Variants in DMAP1 observed in about 807,000 individuals in gnomAD.
The protein encoded by DMAP1 is DNA methyltransferase 1-associated protein 1.
In DMAP1, 26 loss-of-function variants were observed where a neutral mutation model predicts 52.7. The ratio of observed to expected loss-of-function variants is 0.49; its 90% CI spans 0.36 to 0.68. The LOEUF (loss-of-function observed/expected upper bound fraction) is 0.68. Ranked by LOEUF, DMAP1 falls within the 30% of genes least tolerant of loss-of-function variation. The probability of loss-of-function intolerance (pLI) is 0.00; values close to 1 mark genes in which losing one functional copy is unlikely to be tolerated. For missense variants in DMAP1, 439 were observed against 625.2 expected, an observed-to-expected ratio of 0.70 and a Z score of 3.18; for synonymous variants, 231 against 246.0, an observed-to-expected ratio of 0.94 and a Z score of 0.57.
At position 44,218,089 on chromosome 1, in the gene DMAP1, A is replaced by G. The variant is rs1178987750; in HGVS notation, c.394-222A>G. On this transcript the variant is annotated intron_variant, in intron 3 of 9. Coordinates refer to ENST00000372289, the MANE Select transcript of DMAP1 (RefSeq NM_019100.5). This position sits in a 1 kb window ranked among gnomAD's most constrained non-coding sequence, Gnocchi z 5.6. The stretch of plus-strand genomic sequence containing the variant: ...CCCATGACTGAGGCTCTGGAGCTGG[A>G]GACAGTGAAGTTGATCCTGGAATAA... 1.6e-6 allele frequency: 1 copy of G among 636,382 alleles called. No individual in the cohort carries two copies. The highest frequency in any genetic ancestry group is 2.8e-6 in the Non-Finnish European group (1 of 351,478). The allele number at this position is 636,382 out of a possible 1,614,324, so 39.4% of individuals were successfully genotyped here.
At chr1:44,215,466 C>T (rs897374266) in intron 3 of DMAP1, 9 of 371,730 alleles carry the variant, frequency 2.4e-5, no homozygotes, top group African/African-American at 1.7e-4. Context: ...CCTTAGTCCT[C>T]ACAGTATTTA....
chr1:44,215,862 G>C (rs369654309), intron 3 of DMAP1: 1 of 156,932 alleles, frequency 6.4e-6, no homozygotes, highest in Non-Finnish European at 1.4e-5. Flanking sequence ...AGCTAGATTG[G>C]GCTAGGTTTC....
In DMAP1 at chr1:44,213,584, T is replaced by C. The variant is rs1344735278; in HGVS notation, c.-170T>C. 2 of 572,254 alleles carry C rather than the reference T, an allele frequency of 3.5e-6. No homozygotes were observed. The highest frequency in any genetic ancestry group is 6.2e-6 in the Non-Finnish European group (2 of 322,694). 35.4% of individuals were successfully genotyped at this position (572,254 alleles called of 1,614,324 possible). A position where few individuals can be genotyped will look rare whatever the true frequency, so the allele number is the denominator to read the frequency against. Reference sequence around the variant, plus strand: ...GGGGCCGTTAGGAACATCCAAGCGGTGGGGCACAGGCAGATCCCCGACCTG... The same window carrying C: ...GGGGCCGTTAGGAACATCCAAGCGGCGGGGCACAGGCAGATCCCCGACCTG... On this transcript the variant is annotated 5_prime_UTR_variant, in exon 1 of 10. Coordinates refer to ENST00000372289, the MANE Select transcript of DMAP1 (RefSeq NM_019100.5). This position sits in a 1 kb window ranked among gnomAD's most constrained non-coding sequence, Gnocchi z 4.5.
chr1:44,219,370 G>A, intron 6 of DMAP1, 36 bp from the exon 7 acceptor site: 1 of 1,550,752 alleles, frequency 6.4e-7, no homozygotes, highest in East Asian at 2.2e-5. Context: ...CCCTCTCCCT[G>A]TGACACCTTG....
In DMAP1 at chr1:44,220,309, G is replaced by A. The variant is rs780110362; in HGVS notation, c.1344G>A (p.Ser448=). 9 of 1,541,020 alleles carry A rather than the reference G, an allele frequency of 5.8e-6. No homozygotes were observed. Among genetic ancestry groups the A allele is most frequent in the East Asian group, 4.6e-5 (2 of 43,952 alleles). The change falls in exon 9 of 10, where the codon TCG becomes TCA. Residue 448 remains serine, a splice_region_variant and synonymous_variant. Transcript: ENST00000372289. The part of the protein sequence containing the change: ...DVVGAPLTPN[S]RKRRESASSS... ...TGGGCGCACCCCTCACGCCCAATTC[G>A]GTAAGAGTCTGGACAGGCTGGGAGG...
In DMAP1 at chr1:44,218,154, CTA is replaced by C; in HGVS notation, c.394-156_394-155del. The C allele has an allele frequency of 2.1e-6, 2 of 968,676 alleles. No individual in the cohort carries two copies. The highest frequency in any genetic ancestry group is 3.3e-6 in the Non-Finnish European group (2 of 603,832). The allele number at this position is 968,676 out of a possible 1,614,324, so 60.0% of individuals were successfully genotyped here. A position where few individuals can be genotyped will look rare whatever the true frequency, so the allele number is the denominator to read the frequency against. On this transcript the variant is annotated intron_variant, in intron 3 of 9. Transcript: ENST00000372289. The surrounding 1 kb of genome is among the most constrained non-coding windows in gnomAD (Gnocchi z 5.6). ...ACAGTCCCAAACCCTGCTAGGACCT[CTA>C]GTCAAGCAGACAAGTTCTTTCCTCA...
chr1:44,217,141 AGATTC>A (rs1427793021), intron 3 of DMAP1: 1 of 152,260 alleles, frequency 6.6e-6, no homozygotes, highest in South Asian at 2.1e-4. Flanking sequence ...TCTTCATATT[AGATTC>A]AACAGCATAC....
chr1:44,219,142 G>C lies in DMAP1; in HGVS notation c.807G>C (p.Gln269His), dbSNP rs1319665148. The change falls in exon 6 of 10, where the codon CAG becomes CAC. Residue 269 changes from glutamine to histidine, a missense_variant. Transcript: ENST00000372289. ...GGGAGAAACGCAGCCAGGACCTGCAGAAGCTGATCACAGCGGCAGACACCA... is the reference window on the plus strand; with the variant it reads ...GGGAGAAACGCAGCCAGGACCTGCACAAGCTGATCACAGCGGCAGACACCA... ...KEREKRSQDL[Q>H]KLITAADTTA... 6.2e-7 allele frequency: 1 copy of C among 1,614,232 alleles called. No homozygotes were observed. The highest frequency in any genetic ancestry group is 2.2e-5 in the East Asian group (1 of 44,876).
Position 44,213,775 on chromosome 1 carries a change from C to T in DMAP1, c.22C>T (p.Arg8Trp), listed in dbSNP as rs1299594681. 6.9e-6 allele frequency: 11 copies of T among 1,588,054 alleles called. No individual in the cohort carries two copies. The highest frequency in any genetic ancestry group is 8.6e-6 in the Non-Finnish European group (10 of 1,167,826). Residue 8 changes from arginine (R) to tryptophan (W), a missense_variant, in exon 1 of 10, where the codon CGG becomes TGG. Transcript: ENST00000372289. This position sits in a 1 kb window ranked among gnomAD's most constrained non-coding sequence, Gnocchi z 4.5. The stretch of plus-strand genomic sequence containing the variant: ...CGCGATGGCTACGGGCGCGGATGTA[C>T]GGGACATTCTAGAACTCGGGGGTCC... The part of the protein sequence containing the change: MATGADV[R>W]DILELGGPEG...
Position 44,219,071 on chromosome 1 carries a change from T to C in DMAP1, c.736T>C (p.Tyr246His). 1 of 1,613,794 alleles carries C rather than the reference T, an allele frequency of 6.2e-7. No homozygotes were observed. The highest frequency in any genetic ancestry group is 1.3e-5 in the African/African-American group (1 of 74,930). ...RTPEQVAEEE[Y>H]LLQELRKIEA... ...ACTTTCCCAGGTGGCAGAGGAGGAG[T>C]ACCTGCTACAGGAGCTGCGCAAGAT... The change falls in exon 6 of 10, where the codon TAC (tyrosine) becomes CAC (histidine). Residue 246 changes from tyrosine to histidine, a missense_variant. Tyr to His is a moderately conservative substitution (Grantham distance 83). Coordinates refer to ENST00000372289, the MANE Select transcript of DMAP1 (RefSeq NM_019100.5).
In DMAP1 at chr1:44,214,878, C is replaced by T; in HGVS notation, c.373C>T (p.Pro125Ser). Residue 125 changes from proline to serine, a missense_variant, in exon 3 of 10, where the codon CCC becomes TCC. Pro to Ser is a moderately conservative substitution (Grantham distance 74). This residue lies in a region of DMAP1 where 118 missense variants were observed against 189.8 expected (regional missense o/e 0.62). Coordinates refer to ENST00000372289, the MANE Select transcript of DMAP1 (RefSeq NM_019100.5). ...RRAAEEGKDY[P>S]FARFNKTVQV... ...TGCAGCGGAGGAGGGCAAGGACTAC[C>T]CCTTTGCCAGGTTCAATAAGGTAAG... 6.2e-7 allele frequency: 1 copy of T among 1,614,188 alleles called. No individual in the cohort carries two copies. The highest frequency in any genetic ancestry group is 1.1e-5 in the South Asian group (1 of 91,082).
rs772943430 is a variant in DMAP1 at position 44,214,795 on chromosome 1, G to A, written c.290G>A (p.Trp97Ter). The A allele has an allele frequency of 3.7e-6, 6 of 1,614,076 alleles. No individual in the cohort carries two copies. The highest frequency in any genetic ancestry group is 5.1e-6 in the Non-Finnish European group (6 of 1,180,044). The change falls in exon 3 of 10, where the codon TGG becomes TAG. Residue 97 changes from tryptophan (W) to a stop codon, truncating the protein, a stop_gained. Transcript: ENST00000372289. LOFTEE classifies it high-confidence loss of function. ...LGSKKVRPWK[W>*]MPFTNPARKD... ...TCCAAGAAGGTGCGGCCTTGGAAGT[G>A]GATGCCATTCACCAACCCGGCCCGC...
intron 3 of DMAP1, chr1:44,217,517 G>A (rs182827233): frequency 1.3e-5 from 2 of 152,466 alleles, no homozygotes; most frequent in East Asian, 1.9e-4. Context: ...GAGCAGCTGG[G>A]TTGGGTGATG....
intron 3 of DMAP1, chr1:44,215,834 C>G (rs1369768497): frequency 6.3e-6 from 1 of 158,814 alleles, no homozygotes; most frequent in Non-Finnish European, 1.4e-5. Flanking sequence ...CCAGACTCAC[C>G]CATTCAGTGA....
Position 44,218,242 on chromosome 1 carries a change from T to TG in DMAP1, c.394-65dup, listed in dbSNP as rs1557755631. The stretch of plus-strand genomic sequence containing the variant: ...AACAAACAGGAGCAGCTGTGGTCAC[T>TG]GGGGCCTGGAGCCTGCTGGACATGA... On this transcript the variant is annotated intron_variant, in intron 3 of 9. Transcript: ENST00000372289. The surrounding 1 kb of genome is among the most constrained non-coding windows in gnomAD (Gnocchi z 5.6). 3 of 1,607,522 alleles carry TG rather than the reference T, an allele frequency of 1.9e-6. No individual in the cohort carries two copies. Among genetic ancestry groups the TG allele is most frequent in the Non-Finnish European group, 2.6e-6 (3 of 1,174,038 alleles).
At position 44,213,861 on chromosome 1, in the gene DMAP1, A is replaced by C; in HGVS notation, c.105+3A>C. The stretch of plus-strand genomic sequence containing the variant: ...AGGACATTATCAACCCGGACAAGGT[A>C]GCAGGGGCACCTGAAAGCGTTGACT... On this transcript the variant is annotated splice_donor_region_variant and intron_variant, in intron 1 of 9. Transcript: ENST00000372289. This position sits in a 1 kb window ranked among gnomAD's most constrained non-coding sequence, Gnocchi z 4.5. 1 of 1,577,246 alleles carries C rather than the reference A, an allele frequency of 6.3e-7. No individual in the cohort carries two copies. The highest frequency in any genetic ancestry group is 1.2e-5 in the South Asian group (1 of 85,686).
Position 44,215,796 on chromosome 1 carries a change from C to T in DMAP1, c.393+898C>T, listed in dbSNP as rs181179922. On this transcript the variant is annotated intron_variant, in intron 3 of 9. Coordinates refer to ENST00000372289, the MANE Select transcript of DMAP1 (RefSeq NM_019100.5). ...AGCCCCCTAGTCCAAGCTGAGTTACCTGTGTAGCTCAGCACAGCACGGCCT... is the reference window on the plus strand; with the variant it reads ...AGCCCCCTAGTCCAAGCTGAGTTACTTGTGTAGCTCAGCACAGCACGGCCT... 1.9e-3 allele frequency: 323 copies of T among 173,340 alleles called. 4 individuals carry two copies. The highest frequency in any genetic ancestry group is 0.01 in the Admixed American group (184 of 18,036). 10.7% of individuals were successfully genotyped at this position (173,340 alleles called of 1,614,324 possible). A position where few individuals can be genotyped will look rare whatever the true frequency, so the allele number is the denominator to read the frequency against.
At chr1:44,216,299 A>T (rs1376947801) in intron 3 of DMAP1, 3 of 151,050 alleles carry the variant, frequency 2.0e-5, no homozygotes, top group African/African-American at 7.3e-5. Context: ...GTGTGATCTC[A>T]GCTCATTGCA....
At position 44,213,797 on chromosome 1, in the gene DMAP1, G is replaced by T. The variant is rs1257514046; in HGVS notation, c.44G>T (p.Gly15Val). 32 of 1,595,434 alleles carry T rather than the reference G, an allele frequency of 2.0e-5. No individual in the cohort carries two copies. The highest frequency in any genetic ancestry group is 2.6e-5 in the Non-Finnish European group (31 of 1,171,504). ...ADVRDILELG[G>V]PEGDAASGTI... ...GTACGGGACATTCTAGAACTCGGGG[G>T]TCCAGAAGGGGATGCAGCCTCTGGG... Residue 15 changes from glycine (G) to valine (V), a missense_variant, in exon 1 of 10, where the codon GGT (glycine) becomes GTT (valine). Physicochemically the swap from Gly to Val is moderately radical, Grantham distance 109. Transcript: ENST00000372289. The surrounding 1 kb of genome is among the most constrained non-coding windows in gnomAD (Gnocchi z 4.5).
Sources: gnomAD v4.1 joint callset for allele counts on GRCh38, gnomAD v4.1.1 for gene constraint, gnomAD v4.1.1 regional missense constraint, Gnocchi (gnomAD v3.1) non-coding constraint, MANE v1.5 for transcripts, NCBI Gene and HGNC (gene_info 2026-07-23, HGNC 2026-07-21) for gene names.